The following EYA1 variants were observed in gnomAD, a reference collection of about 807,000 sequenced individuals.
EYA1 encodes EYA transcriptional coactivator and phosphatase 1.
EYA1 carries 16 observed loss-of-function variants against 82.0 expected under a neutral mutation model. The ratio of observed to expected loss-of-function variants is 0.20; its 90% CI spans 0.13 to 0.30. The LOEUF (loss-of-function observed/expected upper bound fraction) is 0.30. Ranked by LOEUF, EYA1 falls within the 10% of genes least tolerant of loss-of-function variation. The pLI is 1.00. For synonymous variants in EYA1, 261 were observed against 264.4 expected (o/e 0.99, Z 0.12); for missense variants, 633 against 730.7 (o/e 0.87, Z 1.54).
intron 2 of EYA1, among the ~76,000 whole-genome samples, chr8:71,450,546 T>C (rs1343048881): frequency 6.6e-6 from 1 of 152,154 alleles, no homozygotes; most frequent in Non-Finnish European, 1.5e-5. Flanking sequence ...TTACAGATTA[T>C]CATAACAGAT....
At chr8:71,347,259 C>CTGGT (rs769085933) in intron 3 of EYA1, among the ~76,000 whole-genome samples, 4 of 152,202 alleles carry the variant, frequency 2.6e-5, no homozygotes, top group Admixed American at 6.5e-5. Context: ...TATTCACAGA[C>CTGGT]TGGTCACTTA....
chr8:71,425,225 G>A (rs537556609), intron 2 of EYA1, among the ~76,000 whole-genome samples: 136 of 151,924 alleles, frequency 9.0e-4, no homozygotes, highest in African/African-American at 3.2e-3. Context: ...AGAGCTTGCA[G>A]GGAGCTGAGA....
intron 2 of EYA1, among the ~76,000 whole-genome samples, chr8:71,497,783 T>C (rs1381844299): frequency 6.6e-6 from 1 of 152,198 alleles, no homozygotes; most frequent in East Asian, 1.9e-4. Flanking sequence ...TGCAGCATTA[T>C]TCACAATAGC....
At chr8:71,465,550 G>C in intron 2 of EYA1, among the ~76,000 whole-genome samples, 1 of 152,116 alleles carries the variant, frequency 6.6e-6, no homozygotes, top group East Asian at 1.9e-4. Context: ...TTGAACCTGG[G>C]AGGCAGAGGT....
chr8:71,350,576 A>G (rs1179445494), intron 3 of EYA1, among the ~76,000 whole-genome samples: 1 of 152,190 alleles, frequency 6.6e-6, no homozygotes, highest in African/African-American at 2.4e-5. Context: ...CTGAAACCCT[A>G]TGTGCAGTGA....
intron 7 of EYA1, among the ~76,000 whole-genome samples, chr8:71,308,295 G>T (rs1241806439): frequency 6.6e-6 from 1 of 152,152 alleles, no homozygotes; most frequent in Non-Finnish European, 1.5e-5. Flanking sequence ...GGAATCAAAG[G>T]ATCCCATTTT....
intron 2 of EYA1, among the ~76,000 whole-genome samples, chr8:71,443,594 A>G (rs1806599670): frequency 6.6e-6 from 1 of 152,184 alleles, no homozygotes; most frequent in South Asian, 2.1e-4. Context: ...TGCATCTACA[A>G]GAGGACAGTG....
At chr8:71,250,306 C>T (rs889688256) in intron 11 of EYA1, among the ~76,000 whole-genome samples, 2 of 152,176 alleles carry the variant, frequency 1.3e-5, no homozygotes, top group Non-Finnish European at 2.9e-5. Flanking sequence ...TAAACTGGGG[C>T]AAAGAATCTG....
intron 3 of EYA1, among the ~76,000 whole-genome samples, chr8:71,349,824 T>C (rs1411572465): frequency 6.6e-6 from 1 of 152,154 alleles, no homozygotes; most frequent in East Asian, 1.9e-4. Context: ...TTTTTTTTTC[T>C]AAAGATTAAT....
intron 12 of EYA1, among the ~76,000 whole-genome samples, chr8:71,222,533 T>C (rs905513205): frequency 3.4e-4 from 51 of 152,228 alleles, no homozygotes; most frequent in African/African-American, 9.9e-4. Flanking sequence ...GTATCCCTCG[T>C]AGAGGATATT....
chr8:71,459,347 C>A (rs960422868), intron 2 of EYA1, among the ~76,000 whole-genome samples: 3 of 151,922 alleles, frequency 2.0e-5, no homozygotes, highest in Admixed American at 6.6e-5. Context: ...ATTCTTTTCT[C>A]CTCGCTTCAT....
chr8:71,470,870 G>A (rs1383816551), intron 2 of EYA1: 1 of 455,294 alleles, frequency 2.2e-6, no homozygotes, highest in East Asian at 7.0e-5. Flanking sequence ...TTAATTTCTG[G>A]TGAGAGCTGC....
intron 2 of EYA1, among the ~76,000 whole-genome samples, chr8:71,402,249 T>C (rs185590281): frequency 8.0e-4 from 122 of 152,298 alleles, no homozygotes; most frequent in Middle Eastern, 6.8e-3. Context: ...GCAGGTTTTT[T>C]TCCCCTCCAC....
chr8:71,524,108 C>A (rs1443052162), intron 2 of EYA1, among the ~76,000 whole-genome samples: 1 of 152,206 alleles, frequency 6.6e-6, no homozygotes, highest in African/African-American at 2.4e-5. Flanking sequence ...TAATCACCAA[C>A]AGCTTCCTAT....
intron 2 of EYA1, among the ~76,000 whole-genome samples, chr8:71,416,233 A>G (rs1830847934): frequency 6.6e-6 from 1 of 152,194 alleles, no homozygotes; most frequent in African/African-American, 2.4e-5. Context: ...CCCTCCAGGA[A>G]TGCAGCTCCT....
chr8:71,496,347 A>T (rs1463439377), intron 2 of EYA1, among the ~76,000 whole-genome samples: 2 of 152,208 alleles, frequency 1.3e-5, no homozygotes, highest in Admixed American at 6.5e-5. Context: ...AGCCCTATGC[A>T]AATCATTGTA....
At chr8:71,456,223 G>A (rs1807895112) in intron 2 of EYA1, among the ~76,000 whole-genome samples, 1 of 152,124 alleles carries the variant, frequency 6.6e-6, no homozygotes. Flanking sequence ...CCTCTTCAAG[G>A]AGAACTACAA....
chr8:71,490,879 A>G (rs541465477), intron 2 of EYA1, among the ~76,000 whole-genome samples: 1 of 152,218 alleles, frequency 6.6e-6, no homozygotes, highest in Non-Finnish European at 1.5e-5. Context: ...AGCACTGACC[A>G]TGAAAGCAGA....
chr8:71,320,116 C>T (rs1822372902), intron 6 of EYA1, among the ~76,000 whole-genome samples: 1 of 152,112 alleles, frequency 6.6e-6, no homozygotes, highest in South Asian at 2.1e-4. Context: ...ACTCTTTGAA[C>T]AGCTATTTCA....
Sources: gnomAD v4.1 joint callset for allele counts (sites outside exome capture counted in the v4.1 genomes callset) on GRCh38, gnomAD v4.1.1 for gene constraint, MANE v1.5 for transcripts, NCBI Gene and HGNC (gene_info 2026-07-23, HGNC 2026-07-21) for gene names.